GPC5: variants seen among roughly 807,000 people sequenced by gnomAD.
GPC5 encodes the protein glypican 5, also known as glypican-5.
Under a neutral mutation model 53.9 loss-of-function variants are expected in GPC5, and 47 were observed. The observed-to-expected ratio is 0.87, with a 90% CI of 0.69 to 1.11. The LOEUF (loss-of-function observed/expected upper bound fraction) is 1.11. Among genes scored for constraint, GPC5 ranks in the 50% most tolerant of loss-of-function variants. GPC5 has a pLI of 0.00. For synonymous variants in GPC5, 286 were observed against 263.3 expected, an observed-to-expected ratio of 1.09 and a Z score of -0.84; for missense variants, 748 against 713.1, an observed-to-expected ratio of 1.05 and a Z score of -0.56.
At chr13:92,798,580 C>T (rs886695300) in intron 7 of GPC5, among the ~76,000 whole-genome samples, 1 of 151,818 alleles carries the variant, frequency 6.6e-6, no homozygotes, top group African/African-American at 2.4e-5. Context: ...TCAAGGCATT[C>T]AGATAGGAAT....
chr13:91,934,858 C>T (rs1291978863), intron 6 of GPC5, among the ~76,000 whole-genome samples: 2 of 151,984 alleles, frequency 1.3e-5, no homozygotes, highest in African/African-American at 4.8e-5. Flanking sequence ...AACATACCAA[C>T]ATTGACCACA....
At chr13:92,318,605 A>G (rs2043195470) in intron 7 of GPC5, among the ~76,000 whole-genome samples, 1 of 152,144 alleles carries the variant, frequency 6.6e-6, no homozygotes. Context: ...AAGTGCCAGC[A>G]CACCAGTGGT....
At chr13:91,680,336 C>G (rs1301992426) in intron 2 of GPC5, among the ~76,000 whole-genome samples, 1 of 152,174 alleles carries the variant, frequency 6.6e-6, no homozygotes, top group African/African-American at 2.4e-5. Context: ...GTAATCCCAG[C>G]TACTCTGGAG....
chr13:92,357,275 C>T (rs1395690806), intron 7 of GPC5, among the ~76,000 whole-genome samples: 4 of 151,666 alleles, frequency 2.6e-5, no homozygotes, highest in Non-Finnish European at 5.9e-5. Context: ...GTTTTTAACT[C>T]TTTGAGGAAT....
chr13:92,166,931 C>G lies in GPC5; in HGVS notation c.1561+21942C>G, dbSNP rs2042032220. Reference sequence around the variant, plus strand: ...AAGGCATAAGTCTCAGTCTCTCTCTCTCTCTCTCTCTCTCTCTCTCTCTCT... The same window carrying G: ...AAGGCATAAGTCTCAGTCTCTCTCTGTCTCTCTCTCTCTCTCTCTCTCTCT... On this transcript the variant is annotated intron_variant, in intron 7 of 7. Coordinates refer to ENST00000377067, the MANE Select transcript of GPC5 (RefSeq NM_004466.6). Among the ~76,000 whole-genome samples the G allele has an allele frequency of 7.6e-5, 6 of 78,730 alleles. No individual in the cohort carries two copies. In the South Asian group the frequency reaches 2.0e-3, roughly 26 times the overall value. 51.6% of individuals were successfully genotyped at this position (78,730 alleles called of 152,430 possible). A position where few individuals can be genotyped will look rare whatever the true frequency, so the allele number is the denominator to read the frequency against.
chr13:91,747,395 C>A (rs1204884303), intron 4 of GPC5, among the ~76,000 whole-genome samples: 2 of 152,186 alleles, frequency 1.3e-5, no homozygotes, highest in Non-Finnish European at 2.9e-5. Context: ...CCATGTTTCT[C>A]CCCTGCCTTC....
chr13:92,301,115 C>A (rs2043072350), intron 7 of GPC5, among the ~76,000 whole-genome samples: 1 of 152,170 alleles, frequency 6.6e-6, no homozygotes. Flanking sequence ...ATAAAATTAT[C>A]TGCAAATGAA....
chr13:91,554,912 C>T (rs978642074), intron 2 of GPC5, among the ~76,000 whole-genome samples: 10 of 152,064 alleles, frequency 6.6e-5, no homozygotes, highest in African/African-American at 2.4e-4. Flanking sequence ...TAGCCCATCT[C>T]CCACTTTTAT....
chr13:92,108,944 A>G (rs1045618781), intron 6 of GPC5, among the ~76,000 whole-genome samples: 97 of 151,786 alleles, frequency 6.4e-4, no homozygotes, highest in African/African-American at 2.3e-3. Context: ...ATTCTTCCTT[A>G]GTTCATCTTT....
chr13:92,064,702 A>G (rs1566419618), intron 6 of GPC5, among the ~76,000 whole-genome samples: 1 of 146,970 alleles, frequency 6.8e-6, no homozygotes, highest in Non-Finnish European at 1.5e-5. Flanking sequence ...GGTTGCAGTG[A>G]GCCAAGATCG....
At chr13:92,136,974 CATCAGTCATCAAAACTATTTTTGGCTA>C (rs2041789222) in intron 6 of GPC5, among the ~76,000 whole-genome samples, 2 of 152,164 alleles carry the variant, frequency 1.3e-5, no homozygotes. Flanking sequence ...AAGCAGGAAG[CATCAGTCATCAAAACTATTTTTGGCTA>C]ATCAGCTGAC....
intron 3 of GPC5, among the ~76,000 whole-genome samples, chr13:91,706,676 G>T (rs1190314338): frequency 1.3e-5 from 2 of 152,078 alleles, no homozygotes; most frequent in African/African-American, 4.8e-5. Context: ...TCATTTAACT[G>T]CTCCCCAAGT....
intron 5 of GPC5, among the ~76,000 whole-genome samples, chr13:91,810,462 CTCT>C (rs1421915055): frequency 6.6e-6 from 1 of 151,974 alleles, no homozygotes; most frequent in Non-Finnish European, 1.5e-5. Context: ...TTTCTATAAA[CTCT>C]TCAATTATGT....
At chr13:92,730,120 T>C (rs1188601488) in intron 7 of GPC5, among the ~76,000 whole-genome samples, 2 of 151,442 alleles carry the variant, frequency 1.3e-5, no homozygotes, top group Non-Finnish European at 1.5e-5. Flanking sequence ...TCCTACATTA[T>C]ATGCTGAAAG....
At chr13:91,831,049 A>G (rs1366741669) in intron 5 of GPC5, among the ~76,000 whole-genome samples, 16 of 138,570 alleles carry the variant, frequency 1.2e-4, no homozygotes, top group Admixed American at 7.9e-5. Context: ...TATATTATAT[A>G]TATCCTATTT....
intron 7 of GPC5, among the ~76,000 whole-genome samples, chr13:92,529,870 C>T (rs1263811136): frequency 6.6e-6 from 1 of 151,730 alleles, no homozygotes; most frequent in African/African-American, 2.4e-5. Context: ...ATCACTTGAG[C>T]TCATGAGTTC....
chr13:91,706,374 A>G (rs1451970722), intron 3 of GPC5, among the ~76,000 whole-genome samples: 1 of 152,124 alleles, frequency 6.6e-6, no homozygotes, highest in East Asian at 1.9e-4. Flanking sequence ...AAAAGTGTCA[A>G]TCATCTTGTA....
At chr13:91,504,917 C>T (rs1436640620) in intron 2 of GPC5, among the ~76,000 whole-genome samples, 1 of 152,106 alleles carries the variant, frequency 6.6e-6, no homozygotes, top group Non-Finnish European at 1.5e-5. Context: ...TTTGTCACTG[C>T]ACTCCAGATT....
intron 2 of GPC5, among the ~76,000 whole-genome samples, chr13:91,579,280 C>T (rs925702827): frequency 3.3e-5 from 5 of 152,204 alleles, no homozygotes; most frequent in Admixed American, 1.3e-4. Flanking sequence ...TTCAGCTGAA[C>T]ATTTGCTCTT....
Sources: allele counts gnomAD v4.1 joint callset (sites outside exome capture counted in the v4.1 genomes callset), GRCh38; gene constraint gnomAD v4.1.1; transcripts MANE v1.5; gene names NCBI Gene and HGNC (gene_info 2026-07-23, HGNC 2026-07-21).